Variants in MAP4K2 observed in about 807,000 individuals in gnomAD.
The protein encoded by MAP4K2 is mitogen-activated protein kinase kinase kinase kinase 2.
A neutral mutation model predicts 125.3 loss-of-function variants in MAP4K2; 85 were observed. The observed-to-expected ratio is 0.68, with a 90% CI of 0.57 to 0.81. The LOEUF (loss-of-function observed/expected upper bound fraction) is 0.81, where lower values mean the gene tolerates loss of function less well. Among genes scored for constraint, MAP4K2 ranks in the 40% least tolerant of loss-of-function variants. MAP4K2 has a pLI of 0.00. For missense variants in MAP4K2, 923 were observed against 1,056.4 expected, an observed-to-expected ratio of 0.87 and a Z score of 1.75; for synonymous variants, 479 against 445.1, an observed-to-expected ratio of 1.08 and a Z score of -0.96.
chr11:64,793,698 C>T (rs911869533), intron 24 of MAP4K2, among the ~76,000 whole-genome samples: 10 of 152,232 alleles, frequency 6.6e-5, no homozygotes, highest in Non-Finnish European at 1.3e-4. Context: ...CTCCCACTCT[C>T]CTCCCCATCT....
Position 64,793,817 on chromosome 11 carries a change from C to T in MAP4K2, c.1752-1395G>A, listed in dbSNP as rs1221065375. Among the ~76,000 whole-genome samples the T allele has an allele frequency of 3.9e-5, 6 of 152,312 alleles. 1 individual carries two copies. In the East Asian group the frequency reaches 9.6e-4, roughly 24 times the overall value. On this transcript the variant is annotated intron_variant, in intron 24 of 31. Coordinates refer to ENST00000294066, the MANE Select transcript of MAP4K2 (RefSeq NM_004579.5). ...TGCTCACTGTGCCTCTGCCATTTCCCGAACACAAGCTCAAAGCTGCCTGTG... is the reference window on the plus strand; with the variant it reads ...TGCTCACTGTGCCTCTGCCATTTCCTGAACACAAGCTCAAAGCTGCCTGTG...
At position 64,791,369 on chromosome 11, in the gene MAP4K2, A is replaced by AGTTTTT. The variant is rs767600079; in HGVS notation, c.2092+534_2092+539dup. Among the ~76,000 whole-genome samples the AGTTTTT allele has an allele frequency of 7.7e-4, 117 of 152,108 alleles. 1 individual carries two copies. The highest frequency in any genetic ancestry group is 2.0e-3 in the African/African-American group (83 of 41,498). On this transcript the variant is annotated intron_variant, in intron 27 of 31. Coordinates refer to ENST00000294066, the MANE Select transcript of MAP4K2 (RefSeq NM_004579.5). ...CCTGCAGCCCGGAGCAATGTTGACCAGTTTTTGTTTTTGTTTTTGTTTTTT... is the reference window on the plus strand; with the variant it reads ...CCTGCAGCCCGGAGCAATGTTGACCAGTTTTTGTTTTTGTTTTTGTTTTTGTTTTTT...
In MAP4K2 at chr11:64,798,717, G is replaced by A. The variant is rs1940977694; in HGVS notation, c.1097+77C>T. On this transcript the variant is annotated intron_variant, in intron 15 of 31. Coordinates refer to ENST00000294066, the MANE Select transcript of MAP4K2 (RefSeq NM_004579.5). ...CCTAAAGTGCTGGGATTACAGGCAT[G>A]AGCCACCACGCCCGGTCAGAGGTCA... 2.0e-5 allele frequency: 31 copies of A among 1,527,266 alleles called. 1 individual carries two copies. In the South Asian group the frequency reaches 3.4e-4, roughly 17 times the overall value. The allele number at this position is 1,527,266 out of a possible 1,614,324, so 94.6% of individuals were successfully genotyped here.
chr11:64,802,233 C>A (rs1286367088), intron 4 of MAP4K2, 112 bp from the exon 5 acceptor site: 2 of 1,119,516 alleles, frequency 1.8e-6, no homozygotes, highest in Non-Finnish European at 2.6e-6. Context: ...CGGTGTTGGC[C>A]ACGTCCCCTC....
intron 24 of MAP4K2, among the ~76,000 whole-genome samples, chr11:64,793,012 T>C (rs1354189975): frequency 2.0e-5 from 3 of 151,840 alleles, no homozygotes; most frequent in Non-Finnish European, 4.4e-5. Flanking sequence ...AGGTCGGGAG[T>C]TCGAGACCAG....
rs1270064800 is a variant in MAP4K2 at position 64,799,453 on chromosome 11, G to C, written c.1021C>G (p.Arg341Gly). Reference protein sequence around the residue: ...QFHQVKFGAPRRKETDPLNEP... With the variant: ...QFHQVKFGAPGRKETDPLNEP... ...TTCAGTGGGTCAGTTTCCTTCCTGC[G>C]TGGGGCGCCAAATTTCACCTGGTGA... Residue 341 changes from arginine (R) to glycine (G), a missense_variant, in exon 14 of 32, where the codon CGC becomes GGC. Transcript: ENST00000294066. 6.2e-7 allele frequency: 1 copy of C among 1,611,634 alleles called. No individual in the cohort carries two copies. Among genetic ancestry groups the C allele is most frequent in the South Asian group, 1.1e-5 (1 of 90,832 alleles).
chr11:64,800,050 C>T, intron 12 of MAP4K2, 59 bp downstream of exon 12: 4 of 1,392,438 alleles, frequency 2.9e-6, no homozygotes, highest in Non-Finnish European at 4.0e-6. Flanking sequence ...CCAACATCAC[C>T]CTCGGGCTCT....
intron 29 of MAP4K2, 40 bp downstream of exon 29, chr11:64,790,148 G>C: frequency 6.2e-7 from 1 of 1,609,082 alleles, no homozygotes; most frequent in South Asian, 1.1e-5. Context: ...ACGTGCTCCA[G>C]GCCAGGGAAA....
rs756924929 is a variant in MAP4K2 at position 64,791,938 on chromosome 11, C to A, written c.2063G>T (p.Gly688Val). 3 of 1,601,344 alleles carry A rather than the reference C, an allele frequency of 1.9e-6. No homozygotes were observed. Among genetic ancestry groups the A allele is most frequent in the Non-Finnish European group, 2.6e-6 (3 of 1,173,658 alleles). Residue 688 changes from glycine (G) to valine (V), a missense_variant, in exon 27 of 32, where the codon GGC becomes GTC. By Grantham distance (109) the Gly-to-Val change is moderately radical. This residue lies in a region of MAP4K2 where 833 missense variants were observed against 911.4 expected (regional missense o/e 0.91). Transcript: ENST00000294066. Reference protein sequence around the residue: ...VLFHVLPLEAGLTPDILIPPE... With the variant: ...VLFHVLPLEAVLTPDILIPPE... ...TGGGATGAGGATGTCGGGCGTCAGG[C>A]CAGCCTCCAGGGGCAGGACATGGAA...
chr11:64,800,879 A>C, intron 9 of MAP4K2, 21 bp downstream of exon 9: 1 of 1,613,970 alleles, frequency 6.2e-7, no homozygotes, highest in Non-Finnish European at 8.5e-7. Context: ...GGGTCAGGTG[A>C]GGGGCAAGTG....
At chr11:64,796,028 A>G (rs1421466390) in intron 24 of MAP4K2, among the ~76,000 whole-genome samples, 1 of 152,214 alleles carries the variant, frequency 6.6e-6, no homozygotes, top group Non-Finnish European at 1.5e-5. Context: ...GTCAAGCCCC[A>G]CATCCGAACA....
chr11:64,799,269 C>T (rs1232221564), intron 14 of MAP4K2, 152 bp downstream of exon 14: 4 of 886,366 alleles, frequency 4.5e-6, no homozygotes, highest in Non-Finnish European at 6.9e-6. Flanking sequence ...CCTCCAGGTC[C>T]CTGGGTAGGA....
chr11:64,801,952 C>G, intron 5 of MAP4K2, 114 bp downstream of exon 5: 2 of 1,213,616 alleles, frequency 1.6e-6, no homozygotes, highest in Non-Finnish European at 2.3e-6. Context: ...GGACCTACAG[C>G]CCCTCGGGCC....
At position 64,787,523 on chromosome 11, in the gene MAP4K2, A is replaced by G. The variant is rs1940246438; in HGVS notation, c.*2014T>C. On this transcript the variant is annotated 3_prime_UTR_variant, in exon 32 of 32. Transcript: ENST00000294066. ...GGAGACTTCATTATATCTCTGCTGT[A>G]TTTAAAAAAATATGTACCATGGGCA... The G allele has an allele frequency of 6.6e-6, 1 of 152,180 alleles. No individual in the cohort carries two copies. The highest frequency in any genetic ancestry group is 2.1e-4 in the South Asian group (1 of 4,826). 9.4% of individuals were successfully genotyped at this position (152,180 alleles called of 1,614,324 possible). A position where few individuals can be genotyped will look rare whatever the true frequency, so the allele number is the denominator to read the frequency against.
In MAP4K2 at chr11:64,801,751, G is replaced by A; in HGVS notation, c.373C>T (p.His125Tyr). Residue 125 changes from histidine (H) to tyrosine (Y), a missense_variant, in exon 6 of 32, where the codon CAC becomes TAC. By Grantham distance (83) the His-to-Tyr change is moderately conservative. Around this residue, in one of 2 missense-constraint regions of MAP4K2, gnomAD observed 833 missense variants for 911.4 expected, o/e 0.91. Coordinates refer to ENST00000294066, the MANE Select transcript of MAP4K2 (RefSeq NM_004579.5). The stretch of plus-strand genomic sequence containing the variant: ...ATCTTCCCCTGAGAATGCAGGTGGT[G>A]GAGCCCCTGGCGACAAAGAGGAGTC... ...YVCREALKGLHHLHSQGKIHR... is the reference protein window; with the variant it reads ...YVCREALKGLYHLHSQGKIHR... 4 of 1,613,320 alleles carry A rather than the reference G, an allele frequency of 2.5e-6. No individual in the cohort carries two copies. Among genetic ancestry groups the A allele is most frequent in the Non-Finnish European group, 3.4e-6 (4 of 1,179,864 alleles).
chr11:64,790,523 A>G, intron 27 of MAP4K2, 61 bp from the exon 28 acceptor site: 5 of 1,494,706 alleles, frequency 3.3e-6, no homozygotes, highest in Non-Finnish European at 4.7e-6. Flanking sequence ...CCCCAAGAGG[A>G]TACGGGGGCC....
chr11:64,790,183 C>T lies in MAP4K2; in HGVS notation c.2248+5G>A, dbSNP rs1418183922. The stretch of plus-strand genomic sequence containing the variant: ...AGGCCTGCACCCCACCTCTGGCTCA[C>T]TCACCCACAGTCTCGATGGGGAAAT... On this transcript the variant is annotated splice_donor_5th_base_variant and intron_variant, in intron 29 of 31. Transcript: ENST00000294066. 6.2e-7 allele frequency: 1 copy of T among 1,614,164 alleles called. No individual in the cohort carries two copies. Among genetic ancestry groups the T allele is most frequent in the South Asian group, 1.1e-5 (1 of 91,078 alleles).
In MAP4K2 at chr11:64,799,418, C is replaced by G; in HGVS notation, c.1053+3G>C. On this transcript the variant is annotated splice_donor_region_variant and intron_variant, in intron 14 of 31. Transcript: ENST00000294066. Reference sequence around the variant, plus strand: ...ACCTTCCCCTCAAGGCCTGCCCACTCACCGGCTCATTCAGTGGGTCAGTTT... The same window carrying G: ...ACCTTCCCCTCAAGGCCTGCCCACTGACCGGCTCATTCAGTGGGTCAGTTT... 6.2e-7 allele frequency: 1 copy of G among 1,612,572 alleles called. No individual in the cohort carries two copies. The highest frequency in any genetic ancestry group is 8.5e-7 in the Non-Finnish European group (1 of 1,179,544).
In MAP4K2 at chr11:64,798,841, G is replaced by A; in HGVS notation, c.1054-4C>T. Reference sequence around the variant, plus strand: ...GTAGTGTCCACTCTTCCTCCCACTGGGGGAAACCAAGGTAGAGACCGGGGA... The same window carrying A: ...GTAGTGTCCACTCTTCCTCCCACTGAGGGAAACCAAGGTAGAGACCGGGGA... On this transcript the variant is annotated splice_polypyrimidine_tract_variant and splice_region_variant and intron_variant, in intron 14 of 31. Coordinates refer to ENST00000294066, the MANE Select transcript of MAP4K2 (RefSeq NM_004579.5). The A allele has an allele frequency of 1.9e-6, 3 of 1,599,662 alleles. No individual in the cohort carries two copies. The highest frequency in any genetic ancestry group is 1.7e-5 in the Admixed American group (1 of 58,220).
Sources: gnomAD v4.1 joint callset for allele counts (sites outside exome capture counted in the v4.1 genomes callset) on GRCh38, gnomAD v4.1.1 for gene constraint, gnomAD v4.1.1 regional missense constraint, MANE v1.5 for transcripts, NCBI Gene and HGNC (gene_info 2026-07-23, HGNC 2026-07-21) for gene names.